Variants in CLPTM1 observed in about 807,000 individuals in gnomAD.
CLPTM1 encodes the protein CLPTM1 regulator of GABA type A receptor forward trafficking, also known as putative lipid scramblase CLPTM1.
In CLPTM1, 21 loss-of-function variants were observed where a neutral mutation model predicts 77.3. That is an observed-to-expected ratio of 0.27 (90% CI 0.19 to 0.39). The LOEUF (loss-of-function observed/expected upper bound fraction) is 0.39, where lower values mean the gene tolerates loss of function less well. Ranked by LOEUF, CLPTM1 falls within the 10% of genes least tolerant of loss-of-function variation. The pLI is 1.00. For synonymous variants in CLPTM1, 373 were observed against 381.0 expected (o/e 0.98, Z 0.24); for missense variants, 642 against 921.2 (o/e 0.70, Z 3.92).
In CLPTM1 at chr19:44,990,650, C is replaced by A; in HGVS notation, c.1323+65C>A. 1 of 1,550,728 alleles carries A rather than the reference C, an allele frequency of 6.4e-7. No homozygotes were observed. Among genetic ancestry groups the A allele is most frequent in the Non-Finnish European group, 8.8e-7 (1 of 1,131,960 alleles). On this transcript the variant is annotated intron_variant, in intron 10 of 13. Coordinates refer to ENST00000337392, the MANE Select transcript of CLPTM1 (RefSeq NM_001294.4). The surrounding 1 kb of genome is among the most constrained non-coding windows in gnomAD (Gnocchi z 4.8). Reference sequence around the variant, plus strand: ...GTTGGGAGGGGGTAGTGTGGCCCAGCTGGACCCTGGAGCTGGCCCCCGGGG... The same window carrying A: ...GTTGGGAGGGGGTAGTGTGGCCCAGATGGACCCTGGAGCTGGCCCCCGGGG...
chr19:44,978,320 G>A (rs961701525), intron 5 of CLPTM1, among the ~76,000 whole-genome samples: 5 of 150,430 alleles, frequency 3.3e-5, no homozygotes, highest in African/African-American at 4.9e-5. Flanking sequence ...CAGGAGAATC[G>A]CTTGAATCCA....
intron 5 of CLPTM1, among the ~76,000 whole-genome samples, chr19:44,980,375 G>A (rs947066691): frequency 7.2e-5 from 11 of 152,054 alleles, no homozygotes; most frequent in African/African-American, 2.2e-4. Context: ...TGGGCATGGT[G>A]GCACATGCCT....
chr19:44,966,987 G>A (rs1029785292), intron 2 of CLPTM1, among the ~76,000 whole-genome samples: 227 of 152,032 alleles, frequency 1.5e-3, no homozygotes, highest in African/African-American at 5.2e-3. Context: ...GACTACAGGC[G>A]CCCGCCACAG....
chr19:44,955,891 T>C (rs1970456646), intron 1 of CLPTM1: 2 of 165,826 alleles, frequency 1.2e-5, no homozygotes, highest in Non-Finnish European at 1.3e-5. Context: ...AAGTCAGTAT[T>C]AGCAGGGCAC....
At chr19:44,963,394 T>C (rs1169026248) in intron 2 of CLPTM1, among the ~76,000 whole-genome samples, 89 of 149,018 alleles carry the variant, frequency 6.0e-4, no homozygotes, top group Non-Finnish European at 9.7e-4. Context: ...GGCACAATCT[T>C]GGCTCACTGC....
chr19:44,960,135 C>T (rs777170208), intron 1 of CLPTM1, among the ~76,000 whole-genome samples: 3 of 152,184 alleles, frequency 2.0e-5, no homozygotes, highest in Non-Finnish European at 4.4e-5. Flanking sequence ...AGCCGACCCC[C>T]GCCCCATAGA....
At chr19:44,966,538 G>A (rs1487774145) in intron 2 of CLPTM1, among the ~76,000 whole-genome samples, 3 of 152,114 alleles carry the variant, frequency 2.0e-5, no homozygotes, top group Non-Finnish European at 4.4e-5. Flanking sequence ...GTTAGGAGGC[G>A]GGGGGCAGGT....
At chr19:44,966,602 C>T (rs914184468) in intron 2 of CLPTM1, among the ~76,000 whole-genome samples, 1 of 152,142 alleles carries the variant, frequency 6.6e-6, no homozygotes, top group African/African-American at 2.4e-5. Context: ...GCCCTGCCAC[C>T]TCTGAGCTCT....
chr19:44,991,021 AT>A lies in CLPTM1; in HGVS notation c.1419+77del. The A allele has an allele frequency of 7.4e-7, 1 of 1,357,362 alleles. No homozygotes were observed. Among genetic ancestry groups the A allele is most frequent in the Non-Finnish European group, 1.0e-6 (1 of 959,408 alleles). 84.1% of individuals were successfully genotyped at this position (1,357,362 alleles called of 1,614,324 possible). On this transcript the variant is annotated intron_variant, in intron 11 of 13. Transcript: ENST00000337392. This position sits in a 1 kb window ranked among gnomAD's most constrained non-coding sequence, Gnocchi z 5.4. ...ATCCCTGAGGCACCCGGGGCCGGCC[AT>A]CTGTCTGCCGGACCCATGCTTTACA...
intron 1 of CLPTM1, among the ~76,000 whole-genome samples, chr19:44,961,389 G>A (rs1335391464): frequency 6.6e-6 from 1 of 152,184 alleles, no homozygotes; most frequent in African/African-American, 2.4e-5. Context: ...CAGCCTTGAA[G>A]AATCTGGCAC....
intron 2 of CLPTM1, among the ~76,000 whole-genome samples, chr19:44,963,327 TA>T (rs1342286997): frequency 1.9e-4 from 22 of 118,460 alleles, no homozygotes; most frequent in Non-Finnish European, 3.1e-4. Flanking sequence ...TTATTTTATG[TA>T]TTTTTTTTTT....
chr19:44,981,133 G>A (rs770540575), intron 5 of CLPTM1, among the ~76,000 whole-genome samples: 10 of 149,096 alleles, frequency 6.7e-5, no homozygotes, highest in Non-Finnish European at 1.5e-4. Context: ...GAGCCAGCGC[G>A]CCTGGCCTAT....
At chr19:44,956,364 A>G (rs1294054206) in intron 1 of CLPTM1, among the ~76,000 whole-genome samples, 2 of 152,202 alleles carry the variant, frequency 1.3e-5, no homozygotes, top group African/African-American at 2.4e-5. Context: ...AGGGCCAGCC[A>G]TATCCCTGCT....
intron 2 of CLPTM1, among the ~76,000 whole-genome samples, chr19:44,968,699 G>A (rs1312382352): frequency 1.3e-5 from 2 of 152,142 alleles, no homozygotes; most frequent in Non-Finnish European, 2.9e-5. Flanking sequence ...TTTATACATG[G>A]GGATCTAGAA....
chr19:44,955,712 C>G (rs1467523247), intron 1 of CLPTM1: 5 of 383,828 alleles, frequency 1.3e-5, no homozygotes, highest in Non-Finnish European at 2.3e-5. Flanking sequence ...ATTGCTCGAT[C>G]CGGGGAGACA....
intron 2 of CLPTM1, among the ~76,000 whole-genome samples, chr19:44,968,485 A>G (rs16979586): frequency 0.063 from 9,639 of 152,280 alleles, 375 homozygotes; most frequent in African/African-American, 0.11. Context: ...GGTGGGAGAA[A>G]GGATTTAATG....
chr19:44,990,383 C>T lies in CLPTM1; in HGVS notation c.1133-12C>T. Reference sequence around the variant, plus strand: ...CTCAGCCTCCTGGTTCCCCCCTACCCCCTGCGCACAGATATCCAGTTCTGG... The same window carrying T: ...CTCAGCCTCCTGGTTCCCCCCTACCTCCTGCGCACAGATATCCAGTTCTGG... On this transcript the variant is annotated splice_polypyrimidine_tract_variant and intron_variant, in intron 9 of 13. Transcript: ENST00000337392. This position sits in a 1 kb window ranked among gnomAD's most constrained non-coding sequence, Gnocchi z 4.8. 1 of 1,613,434 alleles carries T rather than the reference C, an allele frequency of 6.2e-7. No individual in the cohort carries two copies. Among genetic ancestry groups the T allele is most frequent in the Non-Finnish European group, 8.5e-7 (1 of 1,179,522 alleles).
intron 1 of CLPTM1, chr19:44,955,755 C>A (rs1050938488): frequency 1.7e-5 from 6 of 342,936 alleles, no homozygotes; most frequent in Non-Finnish European, 3.1e-5. Context: ...TGTACCTTGG[C>A]GCGCTGGGTT....
chr19:44,990,043 C>G lies in CLPTM1; in HGVS notation c.1133-352C>G, dbSNP rs529989510. 2.8e-4 allele frequency: 74 copies of G among 263,678 alleles called. No individual in the cohort carries two copies. The highest frequency in any genetic ancestry group is 1.5e-3 in the African/African-American group (70 of 45,420). 16.3% of individuals were successfully genotyped at this position (263,678 alleles called of 1,614,324 possible). A position where few individuals can be genotyped will look rare whatever the true frequency, so the allele number is the denominator to read the frequency against. ...TCCCTTCAGATTCTGCCATGCCAGG[C>G]TGTTTGGCCTCAGGGAAGCAGCTTC... On this transcript the variant is annotated intron_variant, in intron 9 of 13. Coordinates refer to ENST00000337392, the MANE Select transcript of CLPTM1 (RefSeq NM_001294.4). This position sits in a 1 kb window ranked among gnomAD's most constrained non-coding sequence, Gnocchi z 4.8.
Sources: gnomAD v4.1 joint callset for allele counts (sites outside exome capture counted in the v4.1 genomes callset) on GRCh38, gnomAD v4.1.1 for gene constraint, Gnocchi (gnomAD v3.1) non-coding constraint, MANE v1.5 for transcripts, NCBI Gene and HGNC (gene_info 2026-07-23, HGNC 2026-07-21) for gene names.